RSPH14: variants seen among roughly 807,000 people sequenced by gnomAD.
RSPH14 encodes the protein rhabdoid tumor deletion region gene 1.
In RSPH14, 20 loss-of-function variants were observed where a neutral mutation model predicts 26.7. The observed-to-expected ratio is 0.75, with a 90% CI of 0.53 to 1.09. The LOEUF is 1.09. Among genes scored for constraint, RSPH14 ranks in the 50% least tolerant of loss-of-function variants. The pLI is 0.00. For synonymous variants in RSPH14, 177 were observed against 189.3 expected (o/e 0.93, Z 0.53); for missense variants, 449 against 457.2 (o/e 0.98, Z 0.16).
At chr22:23,089,370 C>G (rs1027766964) in intron 4 of RSPH14, among the ~76,000 whole-genome samples, 2 of 152,162 alleles carry the variant, frequency 1.3e-5, no homozygotes, top group African/African-American at 4.8e-5. Context: ...GCAGGGCAGG[C>G]TGGCTCCCAT....
At chr22:23,099,901 G>C (rs554116516) in intron 4 of RSPH14, among the ~76,000 whole-genome samples, 1 of 152,366 alleles carries the variant, frequency 6.6e-6, no homozygotes, top group African/African-American at 2.4e-5. Flanking sequence ...GGCACTTGTT[G>C]CCCAACCTCT....
At chr22:23,103,823 C>G (rs1176994120) in intron 4 of RSPH14, among the ~76,000 whole-genome samples, 1 of 152,196 alleles carries the variant, frequency 6.6e-6, no homozygotes, top group Non-Finnish European at 1.5e-5. Flanking sequence ...CTGGGGATGG[C>G]ATCAAGCAGG....
intron 4 of RSPH14, among the ~76,000 whole-genome samples, chr22:23,069,753 C>A (rs919570601): frequency 6.6e-6 from 1 of 152,096 alleles, no homozygotes; most frequent in African/African-American, 2.4e-5. Flanking sequence ...TCCCTCCCAT[C>A]GCTGCACAAA....
At chr22:23,170,247 T>G in the RSPH14 span, among the ~76,000 whole-genome samples, 1 of 152,094 alleles carries the variant, frequency 6.6e-6, no homozygotes, top group Admixed American at 6.5e-5. Flanking sequence ...GTACATTGCC[T>G]TAGTGGGAGC....
rs572004442 is a variant in RSPH14, at chr22:23,071,575, G to A, written c.422-7442C>T. On this transcript the variant is annotated intron_variant, in intron 4 of 6. Transcript: ENST00000216036. The surrounding 1 kb of genome is among the most constrained non-coding windows in gnomAD (Gnocchi z 4.1). ...ATTCAATTAAGCAAATATTTATTGAGTGGTCACTCCCCCAGAGCTTGACGC... is the reference window on the plus strand; with the variant it reads ...ATTCAATTAAGCAAATATTTATTGAATGGTCACTCCCCCAGAGCTTGACGC... Among the ~76,000 whole-genome samples, 6 of 152,350 alleles carry A rather than the reference G, an allele frequency of 3.9e-5. No individual in the cohort carries two copies. In the South Asian group the frequency reaches 1.0e-3, roughly 26 times the overall value.
chr22:23,128,339 C>A (rs1261153943), intron 4 of RSPH14, among the ~76,000 whole-genome samples: 1 of 152,214 alleles, frequency 6.6e-6, no homozygotes, highest in Non-Finnish European at 1.5e-5. Context: ...GCCTGCCAGG[C>A]CTCCCCCTCT....
the RSPH14 span, chr22:23,153,642 A>C: frequency 1.0e-6 from 1 of 975,132 alleles, no homozygotes; most frequent in South Asian, 4.8e-5. Context: ...TCCTCCTCAC[A>C]CTGCAGCCTT....
the RSPH14 span, among the ~76,000 whole-genome samples, chr22:23,177,461 G>C: frequency 6.6e-6 from 1 of 152,194 alleles, no homozygotes; most frequent in South Asian, 2.1e-4. Flanking sequence ...AGGGGAACAA[G>C]ACAAACAGGT....
chr22:23,077,367 A>G (rs897911461), intron 4 of RSPH14, among the ~76,000 whole-genome samples: 1 of 152,160 alleles, frequency 6.6e-6, no homozygotes, highest in Non-Finnish European at 1.5e-5. Context: ...GTCCAACCCC[A>G]TGCTTCGTTC....
chr22:23,128,486 C>T (rs539972995), intron 4 of RSPH14, among the ~76,000 whole-genome samples: 32 of 152,316 alleles, frequency 2.1e-4, no homozygotes, highest in South Asian at 8.3e-4. Flanking sequence ...ACCACCACGG[C>T]GCATGAGTAG....
the RSPH14 span, chr22:23,180,621 G>C: frequency 2.9e-5 from 5 of 174,946 alleles, no homozygotes; most frequent in Non-Finnish European, 4.6e-5. Flanking sequence ...GGGGCGGTGC[G>C]GAAGCGAGAG....
upstream of RSPH14, among the ~76,000 whole-genome samples, chr22:23,144,108 A>AC (rs2070662418): frequency 6.6e-6 from 1 of 150,922 alleles, no homozygotes; most frequent in African/African-American, 2.4e-5. Flanking sequence ...AAAAAAAAAA[A>AC]AAAAAAAAAA....
chr22:23,089,657 A>C (rs1335553560), intron 4 of RSPH14, among the ~76,000 whole-genome samples: 3 of 152,140 alleles, frequency 2.0e-5, no homozygotes, highest in Non-Finnish European at 2.9e-5. Flanking sequence ...GAGGGTGATG[A>C]GGGCAGGCCG....
At chr22:23,141,198 G>A (rs1369970954) in intron 1 of RSPH14, among the ~76,000 whole-genome samples, 2 of 152,136 alleles carry the variant, frequency 1.3e-5, no homozygotes, top group East Asian at 1.9e-4. Flanking sequence ...GCGTGATGGC[G>A]CATGCCTGTA....
chr22:23,140,355 G>A lies in RSPH14; in HGVS notation c.66C>T (p.Ala22=). 6.2e-7 allele frequency: 1 copy of A among 1,614,212 alleles called. No homozygotes were observed. Among genetic ancestry groups the A allele is most frequent in the Non-Finnish European group, 8.5e-7 (1 of 1,180,048 alleles). Residue 22 remains alanine, a synonymous_variant, in exon 2 of 7, where the codon GCC becomes GCT. Coordinates refer to ENST00000216036, the MANE Select transcript of RSPH14 (RefSeq NM_014433.3). ...ININATQITT[A]YGHRALPKLK... is the part of the protein sequence containing the mutation. Reference sequence around the variant, plus strand: ...GCTTGGGCAGGGCCCGATGGCCATAGGCAGTGGTAATCTGGGTGGCATTGA... The same window carrying A: ...GCTTGGGCAGGGCCCGATGGCCATAAGCAGTGGTAATCTGGGTGGCATTGA...
intron 4 of RSPH14, among the ~76,000 whole-genome samples, chr22:23,120,791 G>A (rs910331375): frequency 6.6e-6 from 1 of 152,220 alleles, no homozygotes; most frequent in Non-Finnish European, 1.5e-5. Context: ...GCAGCCCCAG[G>A]ACTCCCACCT....
intron 4 of RSPH14, chr22:23,123,173 C>G (rs1222896224): frequency 6.2e-7 from 1 of 1,613,992 alleles, no homozygotes; most frequent in Non-Finnish European, 8.5e-7. Flanking sequence ...TCTTCCTGAA[C>G]AAGAAGGACC....
At chr22:23,123,640 C>T (rs992781475) in intron 4 of RSPH14, 8 of 586,334 alleles carry the variant, frequency 1.4e-5, no homozygotes, top group South Asian at 2.1e-5. Context: ...CACACATGCA[C>T]ACACACACAT....
At chr22:23,123,603 G>A (rs757716621) in intron 4 of RSPH14, 20 of 600,116 alleles carry the variant, frequency 3.3e-5, no homozygotes, top group Middle Eastern at 4.4e-4. Flanking sequence ...AAATATTTAC[G>A]GATAGATTGC....
Sources: allele counts gnomAD v4.1 joint callset (sites outside exome capture counted in the v4.1 genomes callset), GRCh38; gene constraint gnomAD v4.1.1; non-coding constraint Gnocchi (gnomAD v3.1); transcripts MANE v1.5; gene names NCBI Gene and HGNC (gene_info 2026-07-23, HGNC 2026-07-21).